The following TYW1 variants were observed in gnomAD, a reference collection of about 807,000 sequenced individuals.
The protein encoded by TYW1 is tRNA-yW synthesizing protein 1 homolog.
Under a neutral mutation model 96.2 loss-of-function variants are expected in TYW1, and 46 were observed. That is an observed-to-expected ratio of 0.48 (90% CI 0.38 to 0.61). The LOEUF is 0.61. Among genes scored for constraint, TYW1 ranks in the 20% least tolerant of loss-of-function variants. The pLI, the probability that TYW1 is intolerant of heterozygous loss-of-function variation, is 0.00. For synonymous variants in TYW1, 274 were observed against 323.0 expected (o/e 0.85, Z 1.63); for missense variants, 684 against 909.6 (o/e 0.75, Z 3.19).
chr7:67,074,818 T>C (rs910254049), intron 10 of TYW1, among the ~76,000 whole-genome samples: 2 of 151,996 alleles, frequency 1.3e-5, no homozygotes, highest in African/African-American at 4.8e-5. Context: ...TGAGATTCTG[T>C]ATATGACAGT....
At chr7:67,022,404 A>G (rs562399386) in intron 6 of TYW1, among the ~76,000 whole-genome samples, 1 of 152,306 alleles carries the variant, frequency 6.6e-6, no homozygotes, top group South Asian at 2.1e-4. Context: ...TGTCCAGGAT[A>G]ACATGGTGAG....
chr7:67,007,793 C>T (rs1393259682), intron 3 of TYW1, among the ~76,000 whole-genome samples: 3 of 152,036 alleles, frequency 2.0e-5, no homozygotes, highest in Admixed American at 2.0e-4. Context: ...CACCACCACT[C>T]CTGGCTAATT....
chr7:67,150,178 T>C (rs568713233), intron 13 of TYW1, among the ~76,000 whole-genome samples: 1 of 152,314 alleles, frequency 6.6e-6, no homozygotes, highest in Admixed American at 6.5e-5. Context: ...TTTGGACTCC[T>C]GGTTGCCATT....
chr7:67,054,319 A>G (rs931536044), intron 8 of TYW1, among the ~76,000 whole-genome samples: 54 of 152,326 alleles, frequency 3.5e-4, no homozygotes, highest in African/African-American at 1.3e-3. Context: ...AAACCTATGT[A>G]TCTTGGGAGA....
rs770182756 is a variant in TYW1, at chr7:67,066,023, ACACACACACC to A, written c.1156-1256_1156-1247del. Among the ~76,000 whole-genome samples the A allele has an allele frequency of 2.9e-3, 404 of 137,376 alleles. 2 individuals carry two copies. Among genetic ancestry groups the A allele is most frequent in the African/African-American group, 5.0e-3 (181 of 36,148 alleles). The allele number at this position is 137,376 out of a possible 152,430, so 90.1% of individuals were successfully genotyped here. A position where few individuals can be genotyped will look rare whatever the true frequency, so the allele number is the denominator to read the frequency against. ...AGACTACACACACACACACACACAC[ACACACACACC>A]CACACCCCTATACACGTGTAAAGGC... On this transcript the variant is annotated intron_variant, in intron 9 of 15. Transcript: ENST00000359626.
chr7:67,051,937 T>A (rs905023613), intron 8 of TYW1, among the ~76,000 whole-genome samples: 6 of 152,170 alleles, frequency 3.9e-5, no homozygotes, highest in Non-Finnish European at 7.3e-5. Flanking sequence ...TGACAGCTGT[T>A]TTTTCCTTCA....
intron 11 of TYW1, among the ~76,000 whole-genome samples, chr7:67,090,374 A>C (rs1796675998): frequency 6.6e-6 from 1 of 152,338 alleles, no homozygotes. Context: ...CAAACTTTAG[A>C]AATAGGAATA....
chr7:67,237,140 C>A (rs1801913857), intron 15 of TYW1, among the ~76,000 whole-genome samples: 1 of 152,148 alleles, frequency 6.6e-6, no homozygotes, highest in South Asian at 2.1e-4. Flanking sequence ...CCTGCCTCGG[C>A]CTTTGAAAGC....
At chr7:67,070,810 T>G (rs1796005859) in intron 10 of TYW1, among the ~76,000 whole-genome samples, 3 of 152,052 alleles carry the variant, frequency 2.0e-5, no homozygotes, top group African/African-American at 7.2e-5. Flanking sequence ...TTTGCATGGT[T>G]TGTATGCAAA....
At chr7:67,215,986 A>C (rs1370886602) in intron 15 of TYW1, among the ~76,000 whole-genome samples, 1 of 149,640 alleles carries the variant, frequency 6.7e-6, no homozygotes, top group Non-Finnish European at 1.5e-5. Context: ...AGACACACCC[A>C]GGATTAATAC....
intron 7 of TYW1, among the ~76,000 whole-genome samples, chr7:67,036,224 C>T (rs925522410): frequency 2.7e-5 from 4 of 150,480 alleles, no homozygotes; most frequent in Admixed American, 6.7e-5. Flanking sequence ...AAGGTTTCTT[C>T]GGAATCCTAT....
intron 13 of TYW1, among the ~76,000 whole-genome samples, chr7:67,165,221 A>G (rs570141602): frequency 2.6e-4 from 40 of 152,354 alleles, no homozygotes; most frequent in African/African-American, 9.4e-4. Context: ...AGTCAGTACC[A>G]TATTTTAGGA....
At chr7:67,207,734 T>C (rs1442254232) in intron 15 of TYW1, among the ~76,000 whole-genome samples, 10 of 139,350 alleles carry the variant, frequency 7.2e-5, no homozygotes, top group Admixed American at 1.5e-4. Context: ...TTTTTTTTTT[T>C]TTTGGAGATG....
intron 14 of TYW1, 80 bp from the exon 15 acceptor site, chr7:67,195,090 G>C (rs1434257223): frequency 5.9e-6 from 9 of 1,529,672 alleles, no homozygotes; most frequent in Non-Finnish European, 7.9e-6. Flanking sequence ...CCTCAAGAAG[G>C]TTTTCCGGCT....
chr7:67,064,583 G>A (rs1380676392), intron 9 of TYW1, among the ~76,000 whole-genome samples: 2 of 152,166 alleles, frequency 1.3e-5, no homozygotes, highest in South Asian at 2.1e-4. Flanking sequence ...CATGGTGGTG[G>A]CAAGAGAAAA....
chr7:67,012,985 G>A (rs1793865630), intron 4 of TYW1, among the ~76,000 whole-genome samples: 1 of 151,768 alleles, frequency 6.6e-6, no homozygotes, highest in Admixed American at 6.6e-5. Flanking sequence ...CCTGTATTTT[G>A]TATCCCCGGG....
chr7:67,150,272 A>T (rs979728899), intron 13 of TYW1, among the ~76,000 whole-genome samples: 4 of 152,130 alleles, frequency 2.6e-5, no homozygotes, highest in African/African-American at 9.7e-5. Context: ...ATAATCTCTG[A>T]AAGGGAAATA....
intron 14 of TYW1, among the ~76,000 whole-genome samples, chr7:67,190,920 C>T (rs1204714842): frequency 6.6e-6 from 1 of 152,142 alleles, no homozygotes; most frequent in African/African-American, 2.4e-5. Context: ...TCCCACAGAC[C>T]ATGAATCCCA....
chr7:67,159,375 A>G (rs1799084984), intron 13 of TYW1, among the ~76,000 whole-genome samples: 1 of 152,238 alleles, frequency 6.6e-6, no homozygotes, highest in African/African-American at 2.4e-5. Context: ...GCCCTTTAGT[A>G]AGGTTATATC....
Sources: gnomAD v4.1 joint callset for allele counts (sites outside exome capture counted in the v4.1 genomes callset) on GRCh38, gnomAD v4.1.1 for gene constraint, MANE v1.5 for transcripts, NCBI Gene and HGNC (gene_info 2026-07-23, HGNC 2026-07-21) for gene names.